The following COL10A1 variants were observed in gnomAD, a reference collection of about 807,000 sequenced individuals.
COL10A1 encodes collagen alpha-1(X) chain.
Under a neutral mutation model 18.2 loss-of-function variants are expected in COL10A1, and 10 were observed. The observed-to-expected ratio is 0.55, with a 90% CI of 0.34 to 0.93. The LOEUF (loss-of-function observed/expected upper bound fraction) is 0.93, where lower values mean the gene tolerates loss of function less well. COL10A1 is among the 40% of genes least tolerant of loss of function. The pLI, the probability that COL10A1 is intolerant of heterozygous loss-of-function variation, is 0.02. For synonymous variants in COL10A1, 330 were observed against 316.6 expected (o/e 1.04, Z -0.45); for missense variants, 897 against 853.5 (o/e 1.05, Z -0.64).
At chr6:116,140,880 GT>G (rs1249871068) in intron 1 of COL10A1, among the ~76,000 whole-genome samples, 11 of 152,160 alleles carry the variant, frequency 7.2e-5, no homozygotes, top group African/African-American at 2.7e-4. Context: ...TTTTTTATCT[GT>G]GATGGATATT....
chr6:116,129,238 A>G (rs1779404466), upstream of COL10A1, among the ~76,000 whole-genome samples: 2 of 152,212 alleles, frequency 1.3e-5, no homozygotes, highest in South Asian at 2.1e-4. Context: ...ACATATGTAT[A>G]CACATGTCTA....
At chr6:116,175,001 G>A in the COL10A1 span, among the ~76,000 whole-genome samples, 21,067 of 152,078 alleles carry the variant, frequency 0.14, 1,907 homozygotes, top group African/African-American at 0.25. Context: ...TCATTAGTAA[G>A]GGATATAGAA....
chr6:116,193,232 A>G, the COL10A1 span, among the ~76,000 whole-genome samples: 2 of 152,062 alleles, frequency 1.3e-5, no homozygotes, highest in African/African-American at 4.8e-5. Context: ...ATTTTTTAAA[A>G]TCTTGCCCCA....
At chr6:116,173,016 T>C in the COL10A1 span, among the ~76,000 whole-genome samples, 1 of 152,226 alleles carries the variant, frequency 6.6e-6, no homozygotes, top group Non-Finnish European at 1.5e-5. Flanking sequence ...ATCAGAGGAA[T>C]ACAATTCACA....
chr6:116,166,178 T>A, the COL10A1 span, among the ~76,000 whole-genome samples: 1 of 152,132 alleles, frequency 6.6e-6, no homozygotes, highest in Non-Finnish European at 1.5e-5. Context: ...TGCGAGACTC[T>A]TGCTGCTTTC....
At chr6:116,145,558 G>T (rs2114379751) in intron 1 of COL10A1, 1 of 252,772 alleles carries the variant, frequency 4.0e-6, no homozygotes, top group Non-Finnish European at 8.9e-6. Flanking sequence ...GTCATCTTAT[G>T]GATTATTCTT....
chr6:116,214,844 T>C, the COL10A1 span, among the ~76,000 whole-genome samples: 1 of 151,982 alleles, frequency 6.6e-6, no homozygotes, highest in Non-Finnish European at 1.5e-5. Context: ...GTTATCTGGC[T>C]GGACATCACC....
rs769683783 is a variant in COL10A1 at position 116,121,044 on chromosome 6, G to A, written c.1072C>T (p.Pro358Ser). 1 of 1,614,058 alleles carries A rather than the reference G, an allele frequency of 6.2e-7. No homozygotes were observed. Among genetic ancestry groups the A allele is most frequent in the Non-Finnish European group, 8.5e-7 (1 of 1,179,952 alleles). The change falls in exon 3 of 3, where the codon CCA becomes TCA. Residue 358 changes from proline (P) to serine (S), a missense_variant. Pro to Ser is a moderately conservative substitution (Grantham distance 74). Transcript: ENST00000651968. ...GGCCCTGTCTCACCTTTAGGGCCTG[G>A]GAGACCATGGCTACCCGGGATGCCT... ...PKGIPGSHGL[P>S]GPKGETGPAG...
At chr6:116,181,939 T>G in the COL10A1 span, among the ~76,000 whole-genome samples, 2 of 152,096 alleles carry the variant, frequency 1.3e-5, no homozygotes, top group Non-Finnish European at 2.9e-5. Flanking sequence ...AGTTCTTTGG[T>G]GGTGATTTCT....
At chr6:116,130,349 T>C (rs62414123), upstream of COL10A1, among the ~76,000 whole-genome samples, 34,718 of 152,018 alleles carry the variant, frequency 0.23, 4,203 homozygotes, top group South Asian at 0.29. Flanking sequence ...GTGGCACTTA[T>C]TAATCTTACT....
At chr6:116,203,658 GT>G in the COL10A1 span, among the ~76,000 whole-genome samples, 1 of 151,932 alleles carries the variant, frequency 6.6e-6, no homozygotes, top group East Asian at 2.0e-4. Flanking sequence ...ATTGGGGACT[GT>G]TATAAATAAT....
chr6:116,147,068 TA>T (rs1036190924), intron 1 of COL10A1, among the ~76,000 whole-genome samples: 4 of 150,818 alleles, frequency 2.7e-5, no homozygotes, highest in Admixed American at 6.6e-5. Context: ...CCCAGAACTA[TA>T]AAAGAAAAGA....
At chr6:116,132,612 G>A (rs1779497028) in intron 1 of COL10A1, among the ~76,000 whole-genome samples, 1 of 152,086 alleles carries the variant, frequency 6.6e-6, no homozygotes, top group Admixed American at 6.5e-5. Context: ...AAGGAAACTA[G>A]TTTATTATGC....
chr6:116,199,286 T>C, the COL10A1 span, among the ~76,000 whole-genome samples: 1 of 152,092 alleles, frequency 6.6e-6, no homozygotes, highest in African/African-American at 2.4e-5. Context: ...CTTTTTCCTT[T>C]TCTTATAGGT....
intron 2 of COL10A1, among the ~76,000 whole-genome samples, chr6:116,124,193 A>G (rs1378054674): frequency 6.6e-6 from 1 of 152,124 alleles, no homozygotes; most frequent in African/African-American, 2.4e-5. Context: ...AGACAATTCT[A>G]TAAGTTTCAT....
upstream of COL10A1, among the ~76,000 whole-genome samples, chr6:116,159,788 C>G (rs1780285592): frequency 6.6e-6 from 1 of 152,156 alleles, no homozygotes. Context: ...CCAGCCCCCA[C>G]CTTTTGGAGT....
Position 116,121,498 on chromosome 6 carries a change from G to T in COL10A1, c.618C>A (p.Gly206=). ...PGRPGERGLP[G]PQGPTGPSGP... ...CAGATGGTCCTGTGGGACCCTGAGG[G>T]CCTGGAAGACCCCTCTCACCTGGAC... Residue 206 remains glycine, a synonymous_variant, in exon 3 of 3, where the codon GGC becomes GGA. Coordinates refer to ENST00000651968, the MANE Select transcript of COL10A1 (RefSeq NM_000493.4). 5.0e-6 allele frequency: 8 copies of T among 1,614,036 alleles called. No homozygotes were observed. Among genetic ancestry groups the T allele is most frequent in the Non-Finnish European group, 6.8e-6 (8 of 1,179,974 alleles).
the COL10A1 span, among the ~76,000 whole-genome samples, chr6:116,167,958 T>C: frequency 2.0e-5 from 3 of 152,202 alleles, no homozygotes; most frequent in African/African-American, 7.2e-5. Context: ...GTCTAGTTTC[T>C]ATTGTTTATG....
At chr6:116,147,886 G>A (rs1471252285) in intron 1 of COL10A1, among the ~76,000 whole-genome samples, 4 of 151,864 alleles carry the variant, frequency 2.6e-5, no homozygotes, top group African/African-American at 9.7e-5. Context: ...AAAGGTGGAG[G>A]CAGGCATGGG....
Sources: gnomAD v4.1 joint callset for allele counts (sites outside exome capture counted in the v4.1 genomes callset) on GRCh38, gnomAD v4.1.1 for gene constraint, MANE v1.5 for transcripts, NCBI Gene and HGNC (gene_info 2026-07-23, HGNC 2026-07-21) for gene names.